OPCML: variants seen among roughly 807,000 people sequenced by gnomAD.
The protein encoded by OPCML is opioid-binding protein/cell adhesion molecule.
OPCML carries 13 observed loss-of-function variants against 37.8 expected under a neutral mutation model. The observed-to-expected ratio is 0.34, with a 90% CI of 0.22 to 0.55. The LOEUF is 0.55. Among genes scored for constraint, OPCML ranks in the 20% least tolerant of loss-of-function variants. The pLI, the probability that OPCML is intolerant of heterozygous loss-of-function variation, is 0.91. For synonymous variants in OPCML, 176 were observed against 168.8 expected, an observed-to-expected ratio of 1.04 and a Z score of -0.33; for missense variants, 341 against 435.6, an observed-to-expected ratio of 0.78 and a Z score of 1.93.
intron 2 of OPCML, among the ~76,000 whole-genome samples, chr11:132,760,421 G>A (rs1946218199): frequency 6.6e-6 from 1 of 152,112 alleles, no homozygotes; most frequent in South Asian, 2.1e-4. Flanking sequence ...CCCTCTTATT[G>A]TGTGGGAGTC....
intron 2 of OPCML, among the ~76,000 whole-genome samples, chr11:132,751,186 T>C (rs1295149705): frequency 6.6e-6 from 1 of 152,172 alleles, no homozygotes; most frequent in Non-Finnish European, 1.5e-5. Context: ...AGTTCCTCTA[T>C]CTTCCATCAT....
At chr11:133,330,027 T>C (rs1157161319) in intron 1 of OPCML, among the ~76,000 whole-genome samples, 6 of 152,104 alleles carry the variant, frequency 3.9e-5, no homozygotes, top group African/African-American at 1.4e-4. Flanking sequence ...GGGCAAAGGA[T>C]ATGAACAGAC....
At chr11:133,012,092 G>T (rs902264582) in intron 1 of OPCML, among the ~76,000 whole-genome samples, 3 of 152,146 alleles carry the variant, frequency 2.0e-5, no homozygotes, top group Non-Finnish European at 2.9e-5. Context: ...CTTAACAGGG[G>T]ACATTGGGCA....
At chr11:133,039,380 C>T (rs898341604) in intron 1 of OPCML, among the ~76,000 whole-genome samples, 2 of 152,186 alleles carry the variant, frequency 1.3e-5, no homozygotes, top group Non-Finnish European at 2.9e-5. Context: ...TGCATTTCCC[C>T]CAAGTCCTTG....
At chr11:133,449,234 C>CA (rs1946530861) in intron 1 of OPCML, among the ~76,000 whole-genome samples, 1 of 152,182 alleles carries the variant, frequency 6.6e-6, no homozygotes, top group Non-Finnish European at 1.5e-5. Flanking sequence ...CAAAGATCAA[C>CA]AAGCTTTTTT....
chr11:132,710,251 GT>G (rs1185519844), intron 2 of OPCML, among the ~76,000 whole-genome samples: 3 of 152,152 alleles, frequency 2.0e-5, no homozygotes, highest in South Asian at 2.1e-4. Flanking sequence ...GAAGAATTCA[GT>G]TTTTTTCTCA....
intron 2 of OPCML, among the ~76,000 whole-genome samples, chr11:132,930,529 CAAAAATCAACAA>C (rs1945161969): frequency 6.6e-6 from 1 of 151,648 alleles, no homozygotes; most frequent in South Asian, 2.1e-4. Flanking sequence ...TTGTAGAATA[CAAAAATCAACAA>C]AAAAATCAAT....
intron 2 of OPCML, among the ~76,000 whole-genome samples, chr11:132,898,323 A>G (rs1476292977): frequency 2.6e-5 from 4 of 152,180 alleles, no homozygotes; most frequent in African/African-American, 7.2e-5. Flanking sequence ...CCTTCCCTCC[A>G]TGCAATGCTT....
At chr11:133,089,825 G>A (rs1348888426) in intron 1 of OPCML, among the ~76,000 whole-genome samples, 1 of 151,948 alleles carries the variant, frequency 6.6e-6, no homozygotes, top group African/African-American at 2.4e-5. Flanking sequence ...AATTGAAGCA[G>A]AGGAATTACA....
intron 3 of OPCML, among the ~76,000 whole-genome samples, chr11:132,600,043 G>A (rs960325378): frequency 4.6e-5 from 7 of 152,174 alleles, no homozygotes; most frequent in Non-Finnish European, 8.8e-5. Context: ...ATCCGTTTAA[G>A]GGAACAGGTA....
chr11:132,669,234 C>T (rs1170233345), intron 2 of OPCML, among the ~76,000 whole-genome samples: 1 of 151,796 alleles, frequency 6.6e-6, no homozygotes, highest in East Asian at 2.0e-4. Context: ...CATTCTCAAG[C>T]AGATTGAGGC....
At chr11:132,866,502 G>T (rs1257172039) in intron 2 of OPCML, among the ~76,000 whole-genome samples, 3 of 152,122 alleles carry the variant, frequency 2.0e-5, no homozygotes, top group African/African-American at 7.2e-5. Context: ...GTCGATTTTT[G>T]ACTTTTTCAT....
chr11:132,799,829 C>T (rs1938541672), intron 2 of OPCML, among the ~76,000 whole-genome samples: 1 of 152,160 alleles, frequency 6.6e-6, no homozygotes, highest in East Asian at 1.9e-4. Context: ...TTCACTACTA[C>T]AATATTGCAT....
intron 1 of OPCML, among the ~76,000 whole-genome samples, chr11:133,488,169 G>A (rs1193324692): frequency 6.6e-6 from 1 of 152,020 alleles, no homozygotes; most frequent in African/African-American, 2.4e-5. Context: ...TTACTTAACA[G>A]AAAAGTTGAA....
At chr11:133,377,183 T>G (rs533411248) in intron 1 of OPCML, among the ~76,000 whole-genome samples, 1 of 151,908 alleles carries the variant, frequency 6.6e-6, no homozygotes, top group South Asian at 2.1e-4. Flanking sequence ...GGGGTGAGAT[T>G]TGGGTAGAGA....
intron 2 of OPCML, among the ~76,000 whole-genome samples, chr11:132,744,958 C>A (rs913746358): frequency 6.6e-6 from 1 of 151,970 alleles, no homozygotes; most frequent in Non-Finnish European, 1.5e-5. Context: ...AGGAAGTGAA[C>A]GAGCTCCTAA....
At chr11:132,995,461 C>T (rs1043028257) in intron 1 of OPCML, among the ~76,000 whole-genome samples, 5 of 147,414 alleles carry the variant, frequency 3.4e-5, no homozygotes, top group Admixed American at 1.3e-4. Flanking sequence ...CTCCCTCCCT[C>T]CCTTCTTCCC....
At chr11:132,988,215 C>T (rs1159971436) in intron 1 of OPCML, among the ~76,000 whole-genome samples, 2 of 152,182 alleles carry the variant, frequency 1.3e-5, no homozygotes, top group Admixed American at 1.3e-4. Flanking sequence ...AGTTGACTCA[C>T]TGGTCAAGGC....
At chr11:132,722,021 T>C (rs1944691038) in intron 2 of OPCML, among the ~76,000 whole-genome samples, 1 of 140,006 alleles carries the variant, frequency 7.1e-6, no homozygotes, top group South Asian at 2.4e-4. Context: ...AGTGGAGTGA[T>C]CTCGGCTCAC....
Sources: allele counts gnomAD v4.1 joint callset (sites outside exome capture counted in the v4.1 genomes callset), GRCh38; gene constraint gnomAD v4.1.1; transcripts MANE v1.5; gene names NCBI Gene and HGNC (gene_info 2026-07-23, HGNC 2026-07-21).